Variants in LMNTD1 observed in about 807,000 individuals in gnomAD.
LMNTD1 encodes the protein lamin tail domain-containing protein 1.
Under a neutral mutation model 50.9 loss-of-function variants are expected in LMNTD1, and 35 were observed. That is an observed-to-expected ratio of 0.69 (90% CI 0.53 to 0.91). LMNTD1 has a LOEUF of 0.91. Ranked by LOEUF, LMNTD1 falls within the 40% of genes least tolerant of loss-of-function variation. The probability of loss-of-function intolerance (pLI) is 0.00; values close to 1 mark genes in which losing one functional copy is unlikely to be tolerated. For synonymous variants in LMNTD1, 153 were observed against 161.9 expected (o/e 0.94, Z 0.42); for missense variants, 470 against 475.5 (o/e 0.99, Z 0.11).
chr12:25,556,996 C>T (rs1944068911), upstream of LMNTD1, among the ~76,000 whole-genome samples: 1 of 152,136 alleles, frequency 6.6e-6, no homozygotes, highest in South Asian at 2.1e-4. Flanking sequence ...GGGTAATATG[C>T]AGTTGAGTAA....
At chr12:25,565,277 C>T (rs1944509922) in intron 1 of LMNTD1, among the ~76,000 whole-genome samples, 3 of 151,660 alleles carry the variant, frequency 2.0e-5, no homozygotes, top group Admixed American at 2.0e-4. Flanking sequence ...TTCTGTCTTC[C>T]TTTTAGTGAA....
intron 1 of LMNTD1, among the ~76,000 whole-genome samples, chr12:25,643,833 G>A (rs1277751737): frequency 2.0e-5 from 3 of 152,094 alleles, no homozygotes; most frequent in Non-Finnish European, 4.4e-5. Flanking sequence ...AGTTGATTAT[G>A]AGTCCAAAAT....
At chr12:25,546,689 T>A (rs1943457094) in intron 3 of LMNTD1, 135 bp from the exon 4 acceptor site, 1 of 471,738 alleles carries the variant, frequency 2.1e-6, no homozygotes, top group Non-Finnish European at 3.5e-6. Context: ...CTATCAAACT[T>A]AATGAGAATA....
At chr12:25,530,197 T>G (rs74475967) in intron 4 of LMNTD1, among the ~76,000 whole-genome samples, 5,025 of 152,244 alleles carry the variant, frequency 0.033, 199 homozygotes, top group African/African-American at 0.099. Context: ...TTTTATAATT[T>G]ATTTATGGTA....
chr12:25,522,027 A>C (rs1941354873), intron 6 of LMNTD1, among the ~76,000 whole-genome samples: 1 of 152,168 alleles, frequency 6.6e-6, no homozygotes, highest in African/African-American at 2.4e-5. Flanking sequence ...TAGTTTACCA[A>C]ATTAGAGGTT....
chr12:25,504,219 C>T (rs1044991667), intron 8 of LMNTD1, among the ~76,000 whole-genome samples: 1 of 152,060 alleles, frequency 6.6e-6, no homozygotes, highest in African/African-American at 2.4e-5. Context: ...ACTGCCATAA[C>T]GACAAAGTAG....
intron 1 of LMNTD1, among the ~76,000 whole-genome samples, chr12:25,594,641 A>G (rs577889048): frequency 7.1e-6 from 1 of 141,464 alleles, no homozygotes; most frequent in East Asian, 2.2e-4. Context: ...GGACCTATAA[A>G]ACAGAAATAC....
intron 1 of LMNTD1, among the ~76,000 whole-genome samples, chr12:25,638,787 A>T (rs1946889715): frequency 6.6e-6 from 1 of 152,146 alleles, no homozygotes; most frequent in Admixed American, 6.5e-5. Flanking sequence ...GGAAAATTCC[A>T]ACTGCCTTTT....
intron 1 of LMNTD1, among the ~76,000 whole-genome samples, chr12:25,568,693 G>A (rs1381632309): frequency 6.6e-6 from 1 of 152,218 alleles, no homozygotes; most frequent in Non-Finnish European, 1.5e-5. Flanking sequence ...TGCAGCTCCA[G>A]CTTCAGCCAT....
intron 3 of LMNTD1, among the ~76,000 whole-genome samples, chr12:25,548,814 A>T (rs927983657): frequency 1.3e-5 from 2 of 151,890 alleles, no homozygotes; most frequent in African/African-American, 4.8e-5. Flanking sequence ...TACTGTTTTC[A>T]TTTTCCTCTC....
chr12:25,577,338 ATTTG>A (rs1228654082), intron 1 of LMNTD1, among the ~76,000 whole-genome samples: 4 of 152,124 alleles, frequency 2.6e-5, no homozygotes, highest in African/African-American at 9.7e-5. Flanking sequence ...ATGTTCTTCC[ATTTG>A]TTTGTGTCCT....
At chr12:25,568,293 A>G (rs1170581236) in intron 1 of LMNTD1, among the ~76,000 whole-genome samples, 1 of 152,270 alleles carries the variant, frequency 6.6e-6, no homozygotes, top group Admixed American at 6.5e-5. Context: ...AACGGTCAAT[A>G]TGTTGCCTGG....
At chr12:25,595,868 A>T (rs1241041963) in intron 1 of LMNTD1, among the ~76,000 whole-genome samples, 1 of 152,138 alleles carries the variant, frequency 6.6e-6, no homozygotes, top group Non-Finnish European at 1.5e-5. Context: ...AAGAAGAGAG[A>T]AAATCCAAAT....
intron 1 of LMNTD1, among the ~76,000 whole-genome samples, chr12:25,646,412 C>T (rs1328712149): frequency 6.6e-6 from 1 of 152,120 alleles, no homozygotes; most frequent in Non-Finnish European, 1.5e-5. Context: ...TCTTGGTTTC[C>T]AGCATCTGAT....
chr12:25,533,370 A>G (rs1591935363), intron 4 of LMNTD1, among the ~76,000 whole-genome samples: 1 of 152,186 alleles, frequency 6.6e-6, no homozygotes, highest in African/African-American at 2.4e-5. Flanking sequence ...CACAGTCTCT[A>G]TTTGTAAAGA....
intron 1 of LMNTD1, among the ~76,000 whole-genome samples, chr12:25,635,240 C>CAAA (rs35630911): frequency 5.3e-5 from 6 of 114,042 alleles, no homozygotes; most frequent in African/African-American, 7.1e-5. Context: ...AACTCTGTCT[C>CAAA]AAAAAAAAAA....
At chr12:25,510,165 C>T (rs922012632) in intron 8 of LMNTD1, among the ~76,000 whole-genome samples, 1 of 150,630 alleles carries the variant, frequency 6.6e-6, no homozygotes, top group Admixed American at 6.6e-5. Flanking sequence ...TATAGCTCTG[C>T]GCATTCATGT....
At chr12:25,481,919 G>T (rs576376820) in intron 9 of LMNTD1, among the ~76,000 whole-genome samples, 88 of 146,792 alleles carry the variant, frequency 6.0e-4, no homozygotes, top group African/African-American at 2.0e-3. Flanking sequence ...ATAGTGAAAG[G>T]TGGTTGAAAA....
At chr12:25,515,877 T>A (rs1285217532) in intron 8 of LMNTD1, among the ~76,000 whole-genome samples, 1 of 152,178 alleles carries the variant, frequency 6.6e-6, no homozygotes, top group Non-Finnish European at 1.5e-5. Flanking sequence ...GCCTATTTAT[T>A]ATTTTAGGGT....
Sources: allele counts gnomAD v4.1 joint callset (sites outside exome capture counted in the v4.1 genomes callset), GRCh38; gene constraint gnomAD v4.1.1; transcripts MANE v1.5; gene names NCBI Gene and HGNC (gene_info 2026-07-23, HGNC 2026-07-21).